RELN: variants seen among roughly 807,000 people sequenced by gnomAD.
RELN encodes reelin.
A neutral mutation model predicts 427.6 loss-of-function variants in RELN; 108 were observed. The ratio of observed to expected loss-of-function variants is 0.25; its 90% CI spans 0.22 to 0.30. The LOEUF is 0.30. RELN is among the 10% of genes least tolerant of loss of function. The pLI is 1.00. For missense variants in RELN, 3,715 were observed against 4,302.8 expected (o/e 0.86, Z 3.82); for synonymous variants, 1,524 against 1,513.4 (o/e 1.01, Z -0.16).
chr7:103,577,155 T>C (rs2117211924), intron 28 of RELN, among the ~76,000 whole-genome samples: 1 of 152,344 alleles, frequency 6.6e-6, no homozygotes, highest in African/African-American at 2.4e-5. Flanking sequence ...TAAAGATTAA[T>C]GAAGGTTGTT....
intron 11 of RELN, among the ~76,000 whole-genome samples, chr7:103,671,203 T>G (rs1833385253): frequency 6.6e-6 from 1 of 152,170 alleles, no homozygotes; most frequent in Non-Finnish European, 1.5e-5. Context: ...CTTCTCCACC[T>G]ATCGTTGCAT....
intron 8 of RELN, among the ~76,000 whole-genome samples, chr7:103,706,840 G>A (rs990014851): frequency 1.3e-5 from 2 of 152,026 alleles, no homozygotes; most frequent in Non-Finnish European, 2.9e-5. Context: ...GTTTTACTAT[G>A]GGAGAAGATC....
In RELN at chr7:103,590,566, AAAT is replaced by A. The variant is rs550500302; in HGVS notation, c.3913-741_3913-739del. Among the ~76,000 whole-genome samples, 844 of 147,882 alleles carry A rather than the reference AAAT, an allele frequency of 5.7e-3. 9 individuals are homozygous for A. The highest frequency in any genetic ancestry group is 0.011 in the African/African-American group (444 of 39,912). The stretch of plus-strand genomic sequence containing the variant: ...CAGAGCCAGACTCCATCTCAACAAT[AAAT>A]AAATAAATAAATAAATAAATAAATA... On this transcript the variant is annotated intron_variant, in intron 27 of 64. Coordinates refer to ENST00000428762, the MANE Select transcript of RELN (RefSeq NM_005045.4).
chr7:103,895,151 A>G (rs186751555), intron 2 of RELN, among the ~76,000 whole-genome samples: 61 of 152,278 alleles, frequency 4.0e-4, no homozygotes, highest in African/African-American at 1.2e-3. Context: ...CACTGGCAAG[A>G]AAAACAGTGT....
chr7:103,583,479 T>C (rs1407319869), intron 28 of RELN, among the ~76,000 whole-genome samples: 2 of 152,210 alleles, frequency 1.3e-5, no homozygotes, highest in African/African-American at 4.8e-5. Context: ...GATCTGCAAA[T>C]TTGTTTCCTC....
chr7:103,710,001 T>G (rs894473499), intron 8 of RELN, among the ~76,000 whole-genome samples: 2 of 152,154 alleles, frequency 1.3e-5, no homozygotes, highest in African/African-American at 4.8e-5. Context: ...AAGAAGGAAG[T>G]GTCAATAAGA....
intron 11 of RELN, among the ~76,000 whole-genome samples, chr7:103,664,881 G>A (rs1455345431): frequency 1.3e-5 from 2 of 151,748 alleles, no homozygotes; most frequent in African/African-American, 4.8e-5. Flanking sequence ...ATCTTTTCTT[G>A]ACTATCTGTA....
At chr7:103,686,621 T>C (rs1833769726) in intron 10 of RELN, among the ~76,000 whole-genome samples, 2 of 152,138 alleles carry the variant, frequency 1.3e-5, no homozygotes, top group African/African-American at 2.4e-5. Flanking sequence ...GGAAATAAAA[T>C]ATATTGGTAT....
Position 103,797,836 on chromosome 7 carries a change from A to G in RELN, c.474-21209T>C, listed in dbSNP as rs182755813. Among the ~76,000 whole-genome samples the G allele has an allele frequency of 6.6e-4, 101 of 152,328 alleles. 1 individual carries two copies. The highest frequency in any genetic ancestry group is 2.4e-3 in the African/African-American group (98 of 41,588). ...CTGCCAAGAAAGGAGGTAACAAATC[A>G]AAGCCAAAAGACATTCAATTTTGCC... On this transcript the variant is annotated intron_variant, in intron 3 of 64. Transcript: ENST00000428762.
intron 47 of RELN, among the ~76,000 whole-genome samples, chr7:103,522,971 A>T (rs1266141479): frequency 1.3e-5 from 2 of 152,206 alleles, no homozygotes; most frequent in East Asian, 3.8e-4. Flanking sequence ...TTTCTTAGGC[A>T]AACAACATAG....
intron 44 of RELN, 107 bp downstream of exon 44, chr7:103,540,090 A>G: frequency 5.5e-6 from 7 of 1,264,112 alleles, no homozygotes; most frequent in Non-Finnish European, 6.9e-6. Flanking sequence ...CTCAACTGTC[A>G]GTTCTGGGTT....
chr7:103,945,563 C>G (rs1283569107), intron 1 of RELN, among the ~76,000 whole-genome samples: 1 of 152,172 alleles, frequency 6.6e-6, no homozygotes, highest in Non-Finnish European at 1.5e-5. Context: ...CCACATGATA[C>G]TTCCTTTTCC....
intron 3 of RELN, among the ~76,000 whole-genome samples, chr7:103,779,570 T>C (rs1015885277): frequency 1.3e-5 from 2 of 152,148 alleles, no homozygotes; most frequent in Non-Finnish European, 2.9e-5. Context: ...GTCACACCAC[T>C]GGTGGCAAAG....
chr7:103,741,146 T>C (rs556327959), intron 6 of RELN, among the ~76,000 whole-genome samples: 3 of 152,106 alleles, frequency 2.0e-5, no homozygotes, highest in Admixed American at 6.5e-5. Flanking sequence ...AGCAAGAAAA[T>C]AGAAGCTTTG....
intron 3 of RELN, among the ~76,000 whole-genome samples, chr7:103,793,548 T>C (rs541157702): frequency 6.6e-6 from 1 of 152,320 alleles, no homozygotes; most frequent in East Asian, 1.9e-4. Context: ...ATCCAGGTGA[T>C]AGTCCTGGTG....
At chr7:103,536,638 T>C (rs760559334) in intron 45 of RELN, among the ~76,000 whole-genome samples, 1 of 152,236 alleles carries the variant, frequency 6.6e-6, no homozygotes, top group Non-Finnish European at 1.5e-5. Context: ...CTAACAGCAT[T>C]GGACATTATT....
chr7:103,717,480 CAA>C (rs71154364), intron 8 of RELN, among the ~76,000 whole-genome samples: 5 of 146,556 alleles, frequency 3.4e-5, no homozygotes, highest in African/African-American at 1.0e-4. Context: ...ATATATAAAA[CAA>C]AAAAAAAAAT....
intron 10 of RELN, among the ~76,000 whole-genome samples, chr7:103,687,704 A>T (rs1833791802): frequency 1.3e-5 from 2 of 152,126 alleles, no homozygotes; most frequent in Non-Finnish European, 2.9e-5. Context: ...AATAAATTTC[A>T]CCTACTGAAT....
At position 103,976,204 on chromosome 7, in the gene RELN, T is replaced by G. The variant is rs915752023; in HGVS notation, c.226+12927A>C. ...TAGCTAGAATGACTATATAATTTAC[T>G]ATTTAGATTTTGTTACTTTTGTTGG... On this transcript the variant is annotated intron_variant, in intron 1 of 64. Transcript: ENST00000428762. Among the ~76,000 whole-genome samples, 9 of 152,352 alleles carry G rather than the reference T, an allele frequency of 5.9e-5. No individual in the cohort carries two copies. The East Asian group carries it at 1.7e-3, about 29-fold the overall frequency.
Sources: gnomAD v4.1 joint callset for allele counts (sites outside exome capture counted in the v4.1 genomes callset) on GRCh38, gnomAD v4.1.1 for gene constraint, MANE v1.5 for transcripts, NCBI Gene and HGNC (gene_info 2026-07-23, HGNC 2026-07-21) for gene names.